Variants in ZC3H6 observed in about 807,000 individuals in gnomAD.
ZC3H6 encodes the protein zinc finger CCCH-type containing 6.
In ZC3H6, 40 loss-of-function variants were observed where a neutral mutation model predicts 107.7. The observed-to-expected ratio is 0.37, with a 90% CI of 0.29 to 0.48. The LOEUF (loss-of-function observed/expected upper bound fraction) is 0.48, where lower values mean the gene tolerates loss of function less well. Ranked by LOEUF, ZC3H6 falls within the 20% of genes least tolerant of loss-of-function variation. The pLI is 0.98. For missense variants in ZC3H6, 1,267 were observed against 1,410.4 expected (o/e 0.90, Z 1.63); for synonymous variants, 493 against 487.9 (o/e 1.01, Z -0.14).
intron 3 of ZC3H6, among the ~76,000 whole-genome samples, chr2:112,308,942 C>T (rs1395105374): frequency 2.6e-5 from 4 of 151,570 alleles, no homozygotes; most frequent in African/African-American, 9.7e-5. Flanking sequence ...ATCCCAGCTA[C>T]TTGGGAGGCT....
chr2:112,297,961 A>G (rs1307708566), intron 1 of ZC3H6, among the ~76,000 whole-genome samples: 2 of 152,166 alleles, frequency 1.3e-5, no homozygotes, highest in African/African-American at 2.4e-5. Flanking sequence ...GTAAAAATAC[A>G]AAAATTAGTC....
chr2:112,277,306 A>G (rs1686444906), intron 1 of ZC3H6, among the ~76,000 whole-genome samples: 1 of 152,214 alleles, frequency 6.6e-6, no homozygotes, highest in African/African-American at 2.4e-5. Flanking sequence ...ATTAAAAAGG[A>G]AATTCTTAGA....
intron 1 of ZC3H6, among the ~76,000 whole-genome samples, chr2:112,276,446 C>T (rs775987056): frequency 8.2e-6 from 1 of 122,654 alleles, no homozygotes; most frequent in Non-Finnish European, 1.6e-5. Flanking sequence ...TTCCCGAGAA[C>T]CGAGAACACC....
At chr2:112,278,929 G>C (rs765178462) in intron 1 of ZC3H6, among the ~76,000 whole-genome samples, 9 of 152,124 alleles carry the variant, frequency 5.9e-5, no homozygotes, top group Non-Finnish European at 1.2e-4. Context: ...CCTTGTACAT[G>C]TTATATAGTG....
intron 1 of ZC3H6, among the ~76,000 whole-genome samples, chr2:112,290,996 GAAAA>G (rs1350491486): frequency 6.6e-6 from 1 of 151,932 alleles, no homozygotes; most frequent in Admixed American, 6.6e-5. Context: ...CTTACTCCCA[GAAAA>G]AAAAGTGTGC....
rs1033218124 is a variant in ZC3H6, at chr2:112,336,174, C to G, written c.*3686C>G. The G allele has an allele frequency of 2.0e-5, 3 of 152,118 alleles. No individual in the cohort carries two copies. Among genetic ancestry groups the G allele is most frequent in the Non-Finnish European group, 2.9e-5 (2 of 68,012 alleles). The allele number at this position is 152,118 out of a possible 1,614,324, so 9.4% of individuals were successfully genotyped here. ...ATGGCCACTAGAAGTTAGGAAGCTC[C>G]TAGGGACCAGGATATGAGATCTTAA... On this transcript the variant is annotated 3_prime_UTR_variant, in exon 12 of 12. Transcript: ENST00000409871.
At chr2:112,330,221 T>G (rs969241327) in intron 11 of ZC3H6, among the ~76,000 whole-genome samples, 1 of 151,892 alleles carries the variant, frequency 6.6e-6, no homozygotes, top group African/African-American at 2.4e-5. Context: ...CACGGCTAAT[T>G]TTTTTGTATT....
intron 2 of ZC3H6, among the ~76,000 whole-genome samples, chr2:112,301,005 A>G (rs1676362342): frequency 6.6e-6 from 1 of 152,244 alleles, no homozygotes; most frequent in Non-Finnish European, 1.5e-5. Context: ...CCTAAAAAGT[A>G]CAAATGACTG....
At chr2:112,307,259 T>C (rs1676493218) in intron 3 of ZC3H6, among the ~76,000 whole-genome samples, 1 of 152,340 alleles carries the variant, frequency 6.6e-6, no homozygotes, top group African/African-American at 2.4e-5. Context: ...TTGAATATAC[T>C]GTTAACCCCC....
chr2:112,331,905 C>G lies in ZC3H6; in HGVS notation c.2987C>G (p.Pro996Arg). Reference sequence around the variant, plus strand: ...GATTCACATGCATCAAAGGGTGCCCCTCACTTACCCAGATCAAACCCTGGT... The same window carrying G: ...GATTCACATGCATCAAAGGGTGCCCGTCACTTACCCAGATCAAACCCTGGT... ...MKDSHASKGAPHLPRSNPGSS... is the reference protein window; with the variant it reads ...MKDSHASKGARHLPRSNPGSS... The change falls in exon 12 of 12, where the codon CCT becomes CGT. Residue 996 changes from proline (P) to arginine (R), a missense_variant. By Grantham distance (103) the Pro-to-Arg change is moderately radical. Around this residue, in one of 3 missense-constraint regions of ZC3H6, gnomAD observed 925 missense variants for 1,025.7 expected, o/e 0.90. Coordinates refer to ENST00000409871, the MANE Select transcript of ZC3H6 (RefSeq NM_198581.3). 1 of 1,613,954 alleles carries G rather than the reference C, an allele frequency of 6.2e-7. No individual in the cohort carries two copies. Among genetic ancestry groups the G allele is most frequent in the Non-Finnish European group, 8.5e-7 (1 of 1,179,872 alleles).
chr2:112,332,578 T>A lies in ZC3H6; in HGVS notation c.*90T>A. On this transcript the variant is annotated 3_prime_UTR_variant, in exon 12 of 12. Coordinates refer to ENST00000409871, the MANE Select transcript of ZC3H6 (RefSeq NM_198581.3). ...CTGGTTTACCTCTATAGTTTATTTA[T>A]TTTTAAATTATAAACACTTTTCAGC... 1 of 1,323,858 alleles carries A rather than the reference T, an allele frequency of 7.6e-7. No homozygotes were observed. The highest frequency in any genetic ancestry group is 1.0e-6 in the Non-Finnish European group (1 of 979,636). 82.0% of individuals were successfully genotyped at this position (1,323,858 alleles called of 1,614,324 possible). A position where few individuals can be genotyped will look rare whatever the true frequency, so the allele number is the denominator to read the frequency against.
chr2:112,294,793 G>A (rs1215177140), intron 1 of ZC3H6, among the ~76,000 whole-genome samples: 1 of 152,178 alleles, frequency 6.6e-6, no homozygotes, highest in Admixed American at 6.5e-5. Context: ...CTTAGAATAA[G>A]AACATCATGG....
intron 1 of ZC3H6, among the ~76,000 whole-genome samples, chr2:112,294,639 C>T (rs577130906): frequency 6.6e-6 from 1 of 151,278 alleles, no homozygotes; most frequent in Non-Finnish European, 1.5e-5. Context: ...TTTAGGCAAG[C>T]ATAAAAAAAA....
At chr2:112,285,496 A>G (rs191625827) in intron 1 of ZC3H6, among the ~76,000 whole-genome samples, 425 of 151,994 alleles carry the variant, frequency 2.8e-3, no homozygotes, top group African/African-American at 9.8e-3. Context: ...AGCTGGGACT[A>G]CAGGCCCACA....
intron 1 of ZC3H6, among the ~76,000 whole-genome samples, chr2:112,279,686 A>G (rs1264368379): frequency 3.9e-5 from 6 of 152,094 alleles, no homozygotes; most frequent in Non-Finnish European, 8.8e-5. Flanking sequence ...GGAGAACCTG[A>G]AAGGATGAGG....
chr2:112,314,047 C>T (rs1244220144), intron 5 of ZC3H6, among the ~76,000 whole-genome samples: 2 of 152,072 alleles, frequency 1.3e-5, no homozygotes, highest in South Asian at 2.1e-4. Context: ...CTTACATTTC[C>T]TCTACCTGAT....
Position 112,322,763 on chromosome 2 carries a change from A to G in ZC3H6, c.1201A>G (p.Thr401Ala), listed in dbSNP as rs1573963621. Reference protein sequence around the residue: ...KPPPGVGLLPTPPEHFPFSDP... With the variant: ...KPPPGVGLLPAPPEHFPFSDP... ...ACCTCCAGGGGTTGGGCTTCTGCCA[A>G]CCCCTCCAGAGCATTTTCCCTTTTC... The change falls in exon 9 of 12, where the codon ACC becomes GCC. Residue 401 changes from threonine (T) to alanine (A), a missense_variant. Around this residue, in one of 3 missense-constraint regions of ZC3H6, gnomAD observed 925 missense variants for 1,025.7 expected, o/e 0.90. Transcript: ENST00000409871. The G allele has an allele frequency of 2.5e-6, 4 of 1,613,892 alleles. No homozygotes were observed. Among genetic ancestry groups the G allele is most frequent in the Non-Finnish European group, 3.4e-6 (4 of 1,179,870 alleles).
chr2:112,284,722 C>T (rs1432562284), intron 1 of ZC3H6, among the ~76,000 whole-genome samples: 1 of 152,076 alleles, frequency 6.6e-6, no homozygotes, highest in African/African-American at 2.4e-5. Flanking sequence ...TGTGTGTATA[C>T]AAATATGTAT....
chr2:112,291,551 A>G (rs1297714174), intron 1 of ZC3H6, among the ~76,000 whole-genome samples: 2 of 152,250 alleles, frequency 1.3e-5, no homozygotes, highest in Non-Finnish European at 2.9e-5. Context: ...AATATTTTAT[A>G]AATACCTTTA....
Sources: allele counts gnomAD v4.1 joint callset (sites outside exome capture counted in the v4.1 genomes callset), GRCh38; gene constraint gnomAD v4.1.1; regional missense constraint gnomAD v4.1.1; transcripts MANE v1.5; gene names NCBI Gene and HGNC (gene_info 2026-07-23, HGNC 2026-07-21).